Variants in DIP2B observed in about 807,000 individuals in gnomAD.
DIP2B encodes the protein DIP2 acetate--CoA ligase B (putative), also known as disco-interacting protein 2 homolog B.
In DIP2B, 76 loss-of-function variants were observed where a neutral mutation model predicts 198.0. That is an observed-to-expected ratio of 0.38 (90% CI 0.32 to 0.46). DIP2B has a LOEUF of 0.46. DIP2B is among the 20% of genes least tolerant of loss of function. DIP2B has a pLI of 0.99. For synonymous variants in DIP2B, 701 were observed against 739.1 expected, an observed-to-expected ratio of 0.95 and a Z score of 0.84; for missense variants, 1,559 against 1,978.4, an observed-to-expected ratio of 0.79 and a Z score of 4.02.
At chr12:50,542,467 C>G (rs1038878545) in intron 1 of DIP2B, among the ~76,000 whole-genome samples, 24 of 152,170 alleles carry the variant, frequency 1.6e-4, no homozygotes, top group African/African-American at 5.5e-4. Flanking sequence ...CCTGAAATCT[C>G]AGTTTTACTC....
intron 7 of DIP2B, among the ~76,000 whole-genome samples, chr12:50,678,117 A>G (rs181225029): frequency 6.6e-6 from 1 of 150,664 alleles, no homozygotes; most frequent in East Asian, 1.9e-4. Context: ...GTCTGGAGAC[A>G]TGGGATATTG....
chr12:50,638,294 C>T (rs190841241), intron 2 of DIP2B, among the ~76,000 whole-genome samples: 26 of 152,302 alleles, frequency 1.7e-4, no homozygotes, highest in African/African-American at 6.0e-4. Flanking sequence ...ATGCGTAATT[C>T]ATCCTATAAG....
At position 50,737,033 on chromosome 12, in the gene DIP2B, T is replaced by C. The variant is rs1336759242; in HGVS notation, c.4102-3T>C. The C allele has an allele frequency of 5.0e-6, 8 of 1,613,750 alleles. No homozygotes were observed. The South Asian group carries it at 8.8e-5, about 18-fold the overall frequency. ...ATCTTTGTATTTTCCCTTTGATTCTTAGATTTTACCTGGAGTGAAAGTGGT... is the reference window on the plus strand; with the variant it reads ...ATCTTTGTATTTTCCCTTTGATTCTCAGATTTTACCTGGAGTGAAAGTGGT... On this transcript the variant is annotated splice_polypyrimidine_tract_variant and splice_region_variant and intron_variant, in intron 34 of 37. Coordinates refer to ENST00000301180, the MANE Select transcript of DIP2B (RefSeq NM_173602.3).
chr12:50,662,355 C>G (rs1592115912), intron 4 of DIP2B, among the ~76,000 whole-genome samples: 1 of 152,220 alleles, frequency 6.6e-6, no homozygotes, highest in East Asian at 1.9e-4. Context: ...TGAGCGCACC[C>G]TGCATAGTGA....
intron 1 of DIP2B, among the ~76,000 whole-genome samples, chr12:50,528,913 G>A (rs745378898): frequency 1.3e-5 from 2 of 152,198 alleles, no homozygotes; most frequent in African/African-American, 2.4e-5. Context: ...GCCACAAAAT[G>A]ATTTGTGATT....
At position 50,507,228 on chromosome 12, in the gene DIP2B, T is replaced by G. The variant is rs74540999; in HGVS notation, c.100+1988T>G. 4.6e-5 allele frequency among the ~76,000 whole-genome samples: 7 copies of G among 152,362 alleles called. No individual in the cohort carries two copies. The East Asian group carries it at 1.3e-3, about 29-fold the overall frequency. Reference sequence around the variant, plus strand: ...TGACTTGGTTTGAATTTGTTTCTTATAGATATACTACACTTCTTGTATTTC... The same window carrying G: ...TGACTTGGTTTGAATTTGTTTCTTAGAGATATACTACACTTCTTGTATTTC... On this transcript the variant is annotated intron_variant, in intron 1 of 37. Transcript: ENST00000301180.
At chr12:50,621,881 G>A (rs1937819071) in intron 1 of DIP2B, among the ~76,000 whole-genome samples, 1 of 152,196 alleles carries the variant, frequency 6.6e-6, no homozygotes, top group South Asian at 2.1e-4. Flanking sequence ...TGGATCTGAT[G>A]GAGCTAATTG....
At chr12:50,675,305 A>G in intron 6 of DIP2B, 24 bp from the exon 7 acceptor site, 1 of 1,607,226 alleles carries the variant, frequency 6.2e-7, no homozygotes, top group Non-Finnish European at 8.5e-7. Flanking sequence ...ATGAATTTTA[A>G]CTTAACCATT....
intron 1 of DIP2B, among the ~76,000 whole-genome samples, chr12:50,610,431 T>C (rs1959021528): frequency 6.6e-6 from 1 of 152,222 alleles, no homozygotes; most frequent in Non-Finnish European, 1.5e-5. Flanking sequence ...GGATAAGGAA[T>C]GTGTTGTTTC....
At chr12:50,706,112 G>T (rs1347406086) in intron 20 of DIP2B, among the ~76,000 whole-genome samples, 1 of 152,086 alleles carries the variant, frequency 6.6e-6, no homozygotes, top group Non-Finnish European at 1.5e-5. Flanking sequence ...ACCTGAGACG[G>T]TCATTCTCCT....
At chr12:50,723,398 T>C (rs1464426309) in intron 27 of DIP2B, 75 bp downstream of exon 27, 2 of 1,575,396 alleles carry the variant, frequency 1.3e-6, no homozygotes, top group East Asian at 2.3e-5. Flanking sequence ...TCCTTACTAA[T>C]TTTCCAATTT....
intron 9 of DIP2B, among the ~76,000 whole-genome samples, chr12:50,681,163 G>A (rs1407053663): frequency 6.6e-6 from 1 of 152,054 alleles, no homozygotes; most frequent in African/African-American, 2.4e-5. Context: ...GGGTGCAGTG[G>A]TTCACACCTG....
intron 32 of DIP2B, 55 bp downstream of exon 32, chr12:50,732,591 C>G (rs1355861516): frequency 2.5e-6 from 4 of 1,597,522 alleles, no homozygotes; most frequent in Non-Finnish European, 3.4e-6. Context: ...ATGGAGTATC[C>G]CAGAGCATGG....
chr12:50,725,518 G>A (rs1362153490), intron 28 of DIP2B, among the ~76,000 whole-genome samples: 2 of 152,154 alleles, frequency 1.3e-5, no homozygotes, highest in Non-Finnish European at 2.9e-5. Flanking sequence ...TTGGAGTCAG[G>A]CAGGTAGGGT....
intron 13 of DIP2B, 35 bp from the exon 14 acceptor site, chr12:50,692,914 A>T: frequency 6.3e-7 from 1 of 1,582,330 alleles, no homozygotes; most frequent in Non-Finnish European, 8.6e-7. Context: ...AATACTAAAG[A>T]TGATTTCTTT....
chr12:50,527,146 A>T (rs979182575), intron 1 of DIP2B, among the ~76,000 whole-genome samples: 2 of 152,172 alleles, frequency 1.3e-5, no homozygotes, highest in African/African-American at 4.8e-5. Flanking sequence ...CTTTGGCAAA[A>T]TGTTGGAAAA....
At chr12:50,719,163 C>A in intron 25 of DIP2B, 128 bp downstream of exon 25, 1 of 980,264 alleles carries the variant, frequency 1.0e-6, no homozygotes. Flanking sequence ...TGGCTTTCTC[C>A]TTGCTTTGGC....
intron 1 of DIP2B, among the ~76,000 whole-genome samples, chr12:50,593,384 A>G (rs921397218): frequency 6.6e-6 from 1 of 152,062 alleles, no homozygotes; most frequent in African/African-American, 2.4e-5. Context: ...ATGCACCTGT[A>G]GTCCCAGCTT....
chr12:50,739,180 G>A (rs1001526704), intron 35 of DIP2B, among the ~76,000 whole-genome samples: 2 of 152,200 alleles, frequency 1.3e-5, no homozygotes, highest in East Asian at 1.9e-4. Flanking sequence ...TTTTTCATCC[G>A]TAAAATGGGA....
Sources: allele counts gnomAD v4.1 joint callset (sites outside exome capture counted in the v4.1 genomes callset), GRCh38; gene constraint gnomAD v4.1.1; transcripts MANE v1.5; gene names NCBI Gene and HGNC (gene_info 2026-07-23, HGNC 2026-07-21).